PEX6: variants seen among roughly 807,000 people sequenced by gnomAD.
The protein encoded by PEX6 is peroxisomal biogenesis factor 6.
Under a neutral mutation model 85.6 loss-of-function variants are expected in PEX6, and 55 were observed. That is an observed-to-expected ratio of 0.64 (90% CI 0.52 to 0.80). The LOEUF (loss-of-function observed/expected upper bound fraction) is 0.80, where lower values mean the gene tolerates loss of function less well. Among genes scored for constraint, PEX6 ranks in the 30% least tolerant of loss-of-function variants. The pLI, the probability that PEX6 is intolerant of heterozygous loss-of-function variation, is 0.00. For missense variants in PEX6, 1,099 were observed against 1,260.3 expected, an observed-to-expected ratio of 0.87 and a Z score of 1.94; for synonymous variants, 519 against 549.1, an observed-to-expected ratio of 0.95 and a Z score of 0.77.
rs1362434454 is a variant in PEX6, at chr6:42,978,303, C to A, written c.848G>T (p.Cys283Phe). ...VPATLAFNLG[C>F]DPLEMGELRI... ...GAGCTCTCCCATTTCCAGGGGGTCACAGCCAAGATTAAAAGCCAAAGTGGC... is the reference window on the plus strand; with the variant it reads ...GAGCTCTCCCATTTCCAGGGGGTCAAAGCCAAGATTAAAAGCCAAAGTGGC... Residue 283 changes from cysteine (C) to phenylalanine (F), a missense_variant, in exon 1 of 17, where the codon TGT becomes TTT. Cys to Phe is a radical substitution (Grantham distance 205, BLOSUM62 -2). Transcript: ENST00000304611. 1.2e-6 allele frequency: 2 copies of A among 1,614,086 alleles called. No individual in the cohort carries two copies. The highest frequency in any genetic ancestry group is 2.7e-5 in the African/African-American group (2 of 74,922).
rs34551839 is a variant in PEX6, at chr6:42,964,826, C to A, written c.2770G>T (p.Ala924Ser). The change falls in exon 16 of 17, where the codon GCT becomes TCT. Residue 924 changes from alanine (A) to serine (S), a missense_variant. Physicochemically the swap from Ala to Ser is moderately conservative, Grantham distance 99. Coordinates refer to ENST00000304611, the MANE Select transcript of PEX6 (RefSeq NM_000287.4). The surrounding 1 kb of genome is among the most constrained non-coding windows in gnomAD (Gnocchi z 4.6). Reference protein sequence around the residue: ...LYSLCSDAMTAALKRRVHDLE... With the variant: ...LYSLCSDAMTSALKRRVHDLE... ...TCATGAACCCTGCGTTTGAGGGCAG[C>A]TGTCATAGCATCAGAGCAGAGAGAG... 9.9e-4 allele frequency: 1,596 copies of A among 1,614,140 alleles called. 9 individuals carry two copies. In the African/African-American group the frequency reaches 0.019, roughly 19 times the overall value.
intron 8 of PEX6, 106 bp from the exon 9 acceptor site, chr6:42,966,964 G>GTTTTTTTTT (rs1181573346): frequency 6.8e-6 from 4 of 586,518 alleles, no homozygotes; most frequent in Admixed American, 3.3e-5. Flanking sequence ...CCTTAGGTTT[G>GTTTTTTTTT]TTGTTTTTTT....
Position 42,974,098 on chromosome 6 carries a change from C to G in PEX6, c.1047-12G>C. On this transcript the variant is annotated splice_polypyrimidine_tract_variant and intron_variant, in intron 2 of 16. Transcript: ENST00000304611. ...CTTCCTGGACTACCCTGCAACACAG[C>G]AGTGGCCCTGGTCAGGTCACAATGG... is the stretch of plus-strand genomic sequence containing the variant. 6.2e-7 allele frequency: 1 copy of G among 1,608,820 alleles called. No homozygotes were observed.
chr6:42,979,022 T>G lies in PEX6; in HGVS notation c.129A>C (p.Ala43=), dbSNP rs1445718475. Residue 43 remains alanine, a synonymous_variant, in exon 1 of 17, where the codon GCA becomes GCC. Coordinates refer to ENST00000304611, the MANE Select transcript of PEX6 (RefSeq NM_000287.4). ...GCGCCGGCCCTGCCGGGCTCTCCCC[T>G]GCAGGCCTCAGGGCCAGCACCAGGC... ...ELGLVLALRP[A]GESPAGPALL... is the part of the protein sequence containing the mutation. 6.5e-7 allele frequency: 1 copy of G among 1,529,320 alleles called. No individual in the cohort carries two copies. The allele number at this position is 1,529,320 out of a possible 1,614,324, so 94.7% of individuals were successfully genotyped here.
Position 42,965,009 on chromosome 6 carries a change from G to A in PEX6, c.2666+66C>T. 6.2e-7 allele frequency: 1 copy of A among 1,611,136 alleles called. No homozygotes were observed. The highest frequency in any genetic ancestry group is 8.5e-7 in the Non-Finnish European group (1 of 1,177,230). On this transcript the variant is annotated intron_variant, in intron 15 of 16. Transcript: ENST00000304611. The surrounding 1 kb of genome is among the most constrained non-coding windows in gnomAD (Gnocchi z 5.0). Reference sequence around the variant, plus strand: ...CAGTGCTGACCAGCTCATCCTGCATGTTGCATGCATCCCCTAAGCATCCCA... The same window carrying A: ...CAGTGCTGACCAGCTCATCCTGCATATTGCATGCATCCCCTAAGCATCCCA...
At position 42,978,953 on chromosome 6, in the gene PEX6, C is replaced by G; in HGVS notation, c.198G>C (p.Glu66Asp). 6.7e-7 allele frequency: 1 copy of G among 1,497,352 alleles called. No homozygotes were observed. The allele number at this position is 1,497,352 out of a possible 1,614,324, so 92.8% of individuals were successfully genotyped here. A position where few individuals can be genotyped will look rare whatever the true frequency, so the allele number is the denominator to read the frequency against. The change falls in exon 1 of 17, where the codon GAG (glutamate) becomes GAC (aspartate). Residue 66 changes from glutamate (E) to aspartate (D), a missense_variant. Glu to Asp is a conservative substitution (Grantham distance 45). Coordinates refer to ENST00000304611, the MANE Select transcript of PEX6 (RefSeq NM_000287.4). The part of the protein sequence containing the change: ...ALEGPDAGTE[E>D]QGPGPPQLLV... ...GTAGCTGCGGCGGCCCGGGACCCTG[C>G]TCTTCGGTGCCCGCGTCCGGCCCCT... is the stretch of plus-strand genomic sequence containing the variant.
chr6:42,964,645 G>A lies in PEX6; in HGVS notation c.2806+145C>T, dbSNP rs1304295583. ...CCCTTAAACATTTTTTTTAGAGTTGGGGTCTCTCTGTGTTGCCCAGGCTGG... is the reference window on the plus strand; with the variant it reads ...CCCTTAAACATTTTTTTTAGAGTTGAGGTCTCTCTGTGTTGCCCAGGCTGG... On this transcript the variant is annotated intron_variant, in intron 16 of 16. Coordinates refer to ENST00000304611, the MANE Select transcript of PEX6 (RefSeq NM_000287.4). This position sits in a 1 kb window ranked among gnomAD's most constrained non-coding sequence, Gnocchi z 4.6. 3.1e-6 allele frequency: 4 copies of A among 1,276,046 alleles called. No individual in the cohort carries two copies. The highest frequency in any genetic ancestry group is 3.5e-5 in the Admixed American group (2 of 56,818). The allele number at this position is 1,276,046 out of a possible 1,614,324, so 79.0% of individuals were successfully genotyped here.
rs757044378 is a variant in PEX6, at chr6:42,965,199, G to A, written c.2589-47C>T. 18 of 1,609,248 alleles carry A rather than the reference G, an allele frequency of 1.1e-5. No individual in the cohort carries two copies. Among genetic ancestry groups the A allele is most frequent in the African/African-American group, 8.0e-5 (6 of 74,870 alleles). ...TAAGTTTCAGGGAGCCCAGCCATGA[G>A]GGGTGAAGGAGGCACAAAATGAGGG... On this transcript the variant is annotated intron_variant, in intron 14 of 16. Coordinates refer to ENST00000304611, the MANE Select transcript of PEX6 (RefSeq NM_000287.4). The surrounding 1 kb of genome is among the most constrained non-coding windows in gnomAD (Gnocchi z 5.0).
At chr6:42,967,276 T>C (rs1208281032) in intron 8 of PEX6, 92 bp downstream of exon 8, 1 of 1,323,620 alleles carries the variant, frequency 7.6e-7, no homozygotes, top group Non-Finnish European at 1.1e-6. Context: ...CGCTGGGTTT[T>C]CTACTCTCAC....
intron 3 of PEX6, among the ~76,000 whole-genome samples, chr6:42,972,697 G>A (rs1770105102): frequency 6.6e-6 from 1 of 151,518 alleles, no homozygotes; most frequent in Non-Finnish European, 1.5e-5. Context: ...ATGAACCCGG[G>A]AGGCGGAGCT....
At position 42,973,908 on chromosome 6, in the gene PEX6, G is replaced by A. The variant is rs16896189; in HGVS notation, c.1130+95C>T. ...AAATACATGACAACGAAATCCTCTT[G>A]GGCACAAATTACACATGATTTGCAG... On this transcript the variant is annotated intron_variant, in intron 3 of 16. Coordinates refer to ENST00000304611, the MANE Select transcript of PEX6 (RefSeq NM_000287.4). 2,833 of 860,342 alleles carry A rather than the reference G, an allele frequency of 3.3e-3. 50 individuals are homozygous for A. The African/African-American group carries it at 0.041, about 12-fold the overall frequency. 53.3% of individuals were successfully genotyped at this position (860,342 alleles called of 1,614,324 possible). A position where few individuals can be genotyped will look rare whatever the true frequency, so the allele number is the denominator to read the frequency against.
At chr6:42,973,872 A>G (rs886434759) in intron 3 of PEX6, 131 bp downstream of exon 3, 6 of 706,700 alleles carry the variant, frequency 8.5e-6, no homozygotes, top group Admixed American at 2.0e-5. Flanking sequence ...ACACACACAC[A>G]CGCACACACA....
In PEX6 at chr6:42,965,347, G is replaced by A. The variant is rs775778545; in HGVS notation, c.2493C>T (p.Ala831=). 12 of 1,613,580 alleles carry A rather than the reference G, an allele frequency of 7.4e-6. No individual in the cohort carries two copies. The highest frequency in any genetic ancestry group is 5.3e-5 in the African/African-American group (4 of 74,890). The change falls in exon 14 of 17, where the codon GCC becomes GCT. Residue 831 remains alanine (A), a synonymous_variant. Transcript: ENST00000304611. This position sits in a 1 kb window ranked among gnomAD's most constrained non-coding sequence, Gnocchi z 5.0. ...GAGTGCTGTGCAGCCCATCTAGCTCGGCAAGGAGCTGAGACACCACCCTGG... is the reference window on the plus strand; with the variant it reads ...GAGTGCTGTGCAGCCCATCTAGCTCAGCAAGGAGCTGAGACACCACCCTGG... ...VMDRVVSQLL[A]ELDGLHSTQD... is the part of the protein sequence containing the mutation.
At position 42,978,428 on chromosome 6, in the gene PEX6, C is replaced by T; in HGVS notation, c.723G>A (p.Arg241=). 1 of 1,614,070 alleles carries T rather than the reference C, an allele frequency of 6.2e-7. No individual in the cohort carries two copies. Among genetic ancestry groups the T allele is most frequent in the South Asian group, 1.1e-5 (1 of 91,078 alleles). ...SSNTSQPHLA[R]VQVLEPRWDL... is the part of the protein sequence containing the mutation. ...CCCAGCGAGGTTCTAGGACCTGCAC[C>T]CTAGCCAAGTGCGGCTGTGAAGTGT... is the stretch of plus-strand genomic sequence containing the variant. Residue 241 remains arginine, a synonymous_variant, in exon 1 of 17, where the codon AGG becomes AGA. Coordinates refer to ENST00000304611, the MANE Select transcript of PEX6 (RefSeq NM_000287.4).
rs2150240134 is a variant in PEX6, at chr6:42,978,746, T to C, written c.405A>G (p.Gly135=). ...VRRGETLPVP[G]PRVLETRPAL... is the part of the protein sequence containing the mutation. Reference sequence around the variant, plus strand: ...CCGGCCGCGTCTCCAGCACCCGCGGTCCGGGCACTGGGAGGGTCTCTCCGC... The same window carrying C: ...CCGGCCGCGTCTCCAGCACCCGCGGCCCGGGCACTGGGAGGGTCTCTCCGC... Residue 135 remains glycine, a synonymous_variant, in exon 1 of 17, where the codon GGA becomes GGG. Transcript: ENST00000304611. 1 of 1,536,092 alleles carries C rather than the reference T, an allele frequency of 6.5e-7. No individual in the cohort carries two copies. Among genetic ancestry groups the C allele is most frequent in the Non-Finnish European group, 8.7e-7 (1 of 1,147,068 alleles).
chr6:42,974,982 A>G lies in PEX6; in HGVS notation c.939T>C (p.Pro313=), dbSNP rs151234121. 37 of 1,613,700 alleles carry G rather than the reference A, an allele frequency of 2.3e-5. No homozygotes were observed. Among genetic ancestry groups the G allele is most frequent in the African/African-American group, 1.5e-4 (11 of 74,906 alleles). ...PEDKGSCSLL[P]GPPFARELHI... ...GTAACTCTCTGGCAAATGGAGGCCC[A>G]GGCAGCAATGAGCAGCTTCCTTTGT... The change falls in exon 2 of 17, where the codon CCT becomes CCC. Residue 313 remains proline, a synonymous_variant. Transcript: ENST00000304611.
At chr6:42,972,665 G>A (rs1168573961) in intron 3 of PEX6, among the ~76,000 whole-genome samples, 1 of 151,850 alleles carries the variant, frequency 6.6e-6, no homozygotes, top group African/African-American at 2.4e-5. Flanking sequence ...AGCTACTTGG[G>A]AGGCTGAGGC....
At chr6:42,974,738 G>C in intron 2 of PEX6, 137 bp downstream of exon 2, 1 of 804,400 alleles carries the variant, frequency 1.2e-6, no homozygotes, top group Non-Finnish European at 2.2e-6. Flanking sequence ...TGGGATTACA[G>C]ACGTGAGCCA....
At chr6:42,977,251 C>CTTT (rs1554128216) in intron 1 of PEX6, among the ~76,000 whole-genome samples, 1 of 126,678 alleles carries the variant, frequency 7.9e-6, no homozygotes, top group African/African-American at 3.2e-5. Context: ...TGAAACCTCA[C>CTTT]TTTTTTTTTT....
Sources: gnomAD v4.1 joint callset for allele counts (sites outside exome capture counted in the v4.1 genomes callset) on GRCh38, gnomAD v4.1.1 for gene constraint, Gnocchi (gnomAD v3.1) non-coding constraint, MANE v1.5 for transcripts, NCBI Gene and HGNC (gene_info 2026-07-23, HGNC 2026-07-21) for gene names.